Variants in ACBD6 observed in about 807,000 individuals in gnomAD.
ACBD6 encodes acyl-CoA-binding domain-containing protein 6.
In ACBD6, 28 loss-of-function variants were observed where a neutral mutation model predicts 37.2. The ratio of observed to expected loss-of-function variants is 0.75; its 90% CI spans 0.56 to 1.03. ACBD6 has a LOEUF of 1.03. ACBD6 is among the 50% of genes least tolerant of loss of function. The probability of loss-of-function intolerance (pLI) is 0.00; values close to 1 mark genes in which losing one functional copy is unlikely to be tolerated. For synonymous variants in ACBD6, 113 were observed against 126.8 expected, an observed-to-expected ratio of 0.89 and a Z score of 0.73; for missense variants, 340 against 337.4, an observed-to-expected ratio of 1.01 and a Z score of -0.06.
chr1:180,316,517 T>C (rs1453433346), intron 6 of ACBD6, among the ~76,000 whole-genome samples: 1 of 152,206 alleles, frequency 6.6e-6, no homozygotes, highest in African/African-American at 2.4e-5. Context: ...TATGTATCTT[T>C]AGAAAGCATA....
At chr1:180,432,180 C>G (rs1648839255) in intron 3 of ACBD6, among the ~76,000 whole-genome samples, 1 of 149,982 alleles carries the variant, frequency 6.7e-6, no homozygotes, top group Non-Finnish European at 1.5e-5. Flanking sequence ...GCACTCCAGC[C>G]TGGCAATAGA....
At chr1:180,276,638 C>G (rs1005071541) in intron 9 of ACBD6, 2 of 152,196 alleles carry the variant, frequency 1.3e-5, no homozygotes, top group African/African-American at 4.8e-5. Context: ...TGGAGGATGG[C>G]TTTTTAAATA....
chr1:180,292,613 G>GTT (rs140756505), intron 7 of ACBD6, among the ~76,000 whole-genome samples: 11 of 144,616 alleles, frequency 7.6e-5, no homozygotes, highest in African/African-American at 1.3e-4. Context: ...CTTATTCTAG[G>GTT]TTTTTTTTTT....
At chr1:180,476,918 T>C (rs2102065102) in intron 3 of ACBD6, among the ~76,000 whole-genome samples, 1 of 152,196 alleles carries the variant, frequency 6.6e-6, no homozygotes, top group African/African-American at 2.4e-5. Context: ...AAATATCCAA[T>C]GAATATATCA....
intron 6 of ACBD6, among the ~76,000 whole-genome samples, chr1:180,330,629 G>A (rs1466779392): frequency 6.6e-6 from 1 of 152,036 alleles, no homozygotes; most frequent in African/African-American, 2.4e-5. Context: ...CAACTAAAAG[G>A]AAAACAATCA....
downstream of ACBD6, among the ~76,000 whole-genome samples, chr1:180,284,157 T>G (rs1649397464): frequency 1.3e-5 from 2 of 152,172 alleles, no homozygotes. Context: ...TTGACCATAC[T>G]TGGTGCATAA....
chr1:180,276,816 G>C (rs1048636384), intron 9 of ACBD6: 1 of 89,802 alleles, frequency 1.1e-5, no homozygotes, highest in African/African-American at 4.3e-5. Context: ...TAGTGTGGGG[G>C]AGAGCAGGCT....
chr1:180,454,941 C>T (rs1649858125), intron 3 of ACBD6, among the ~76,000 whole-genome samples: 1 of 152,166 alleles, frequency 6.6e-6, no homozygotes, highest in Admixed American at 6.5e-5. Flanking sequence ...ACTAGTTCAA[C>T]CATTGTGGAA....
At chr1:180,429,631 G>A (rs184913061) in intron 4 of ACBD6, among the ~76,000 whole-genome samples, 11 of 152,190 alleles carry the variant, frequency 7.2e-5, no homozygotes, top group Admixed American at 7.2e-4. Flanking sequence ...TGGATCATAT[G>A]GTAATTCTAT....
At chr1:180,338,388 T>A (rs1234621809) in intron 6 of ACBD6, among the ~76,000 whole-genome samples, 1 of 152,104 alleles carries the variant, frequency 6.6e-6, no homozygotes, top group Admixed American at 6.5e-5. Flanking sequence ...TCTACAACTA[T>A]CTGATCTTTG....
At chr1:180,374,704 C>T (rs557574191) in intron 6 of ACBD6, among the ~76,000 whole-genome samples, 2 of 151,972 alleles carry the variant, frequency 1.3e-5, no homozygotes, top group East Asian at 1.9e-4. Flanking sequence ...CACTATGTGA[C>T]GGAAAACAGG....
At chr1:180,397,986 G>C (rs1272150241) in intron 5 of ACBD6, among the ~76,000 whole-genome samples, 2 of 152,070 alleles carry the variant, frequency 1.3e-5, no homozygotes, top group Non-Finnish European at 2.9e-5. Flanking sequence ...TCGGGAGGCG[G>C]AGGTTGCAGT....
At position 180,486,134 on chromosome 1, in the gene ACBD6, T is replaced by C. The variant is rs959713955; in HGVS notation, c.384+6135A>G. Among the ~76,000 whole-genome samples the C allele has an allele frequency of 2.0e-5, 3 of 152,178 alleles. No individual in the cohort carries two copies. The South Asian group carries it at 6.2e-4, about 32-fold the overall frequency. On this transcript the variant is annotated intron_variant, in intron 3 of 7. Transcript: ENST00000367595. The stretch of plus-strand genomic sequence containing the variant: ...CTGGGCCATTTCTCAGGATTGTGTA[T>C]GCAGGAAGCCATCTTCAGGGATGAG...
chr1:180,457,647 T>C (rs1385389556), intron 3 of ACBD6, among the ~76,000 whole-genome samples: 1 of 151,962 alleles, frequency 6.6e-6, no homozygotes, highest in Non-Finnish European at 1.5e-5. Context: ...CTAACATGAA[T>C]CAGAATGAGT....
exon 14 of ACBD6, chr1:180,271,164 T>A: frequency 1.6e-6 from 1 of 625,852 alleles, no homozygotes; most frequent in Admixed American, 2.3e-5. Context: ...GAGAAAGGAC[T>A]GCTGTCCTCA....
chr1:180,439,547 G>C (rs141344346), intron 3 of ACBD6, among the ~76,000 whole-genome samples: 9,132 of 151,498 alleles, frequency 0.06, 361 homozygotes, highest in Non-Finnish European at 0.088. Flanking sequence ...CCAAGATTGC[G>C]CTACTGCACT....
chr1:180,468,332 C>T (rs1650428860), intron 3 of ACBD6, among the ~76,000 whole-genome samples: 1 of 152,140 alleles, frequency 6.6e-6, no homozygotes, highest in Non-Finnish European at 1.5e-5. Context: ...GGAGTCAAAG[C>T]CTCCATGAGT....
chr1:180,488,120 T>C (rs1302457811), intron 3 of ACBD6, among the ~76,000 whole-genome samples: 1 of 152,076 alleles, frequency 6.6e-6, no homozygotes. Context: ...TGTGTGTGTG[T>C]TACATACATG....
chr1:180,454,343 C>T (rs1649832299), intron 3 of ACBD6, among the ~76,000 whole-genome samples: 1 of 152,074 alleles, frequency 6.6e-6, no homozygotes, highest in East Asian at 1.9e-4. Context: ...TGAAATTGGA[C>T]CCCTTCCTTA....
Sources: gnomAD v4.1 joint callset for allele counts (sites outside exome capture counted in the v4.1 genomes callset) on GRCh38, gnomAD v4.1.1 for gene constraint, MANE v1.5 for transcripts, NCBI Gene and HGNC (gene_info 2026-07-23, HGNC 2026-07-21) for gene names.